Variants in THSD7B observed in about 807,000 individuals in gnomAD.
THSD7B encodes thrombospondin type 1 domain containing 7B.
THSD7B carries 138 observed loss-of-function variants against 213.6 expected under a neutral mutation model. The observed-to-expected ratio is 0.65, with a 90% CI of 0.56 to 0.74. THSD7B has a LOEUF of 0.74. Ranked by LOEUF, THSD7B falls within the 30% of genes least tolerant of loss-of-function variation. The pLI is 0.00. For synonymous variants in THSD7B, 742 were observed against 687.0 expected, an observed-to-expected ratio of 1.08 and a Z score of -1.25; for missense variants, 1,931 against 1,991.5, an observed-to-expected ratio of 0.97 and a Z score of 0.58.
At chr2:136,813,569 T>G (rs1682420163) in intron 1 of THSD7B, among the ~76,000 whole-genome samples, 1 of 152,238 alleles carries the variant, frequency 6.6e-6, no homozygotes, top group African/African-American at 2.4e-5. Flanking sequence ...CTCATACAAC[T>G]TTGAACTTCA....
At chr2:136,980,845 G>A (rs573282351) in intron 2 of THSD7B, among the ~76,000 whole-genome samples, 14 of 152,172 alleles carry the variant, frequency 9.2e-5, no homozygotes, top group Non-Finnish European at 1.3e-4. Flanking sequence ...ATCACTCACC[G>A]CCTCTCTTGG....
At chr2:137,454,243 C>G (rs1226432093) in intron 15 of THSD7B, among the ~76,000 whole-genome samples, 1 of 152,176 alleles carries the variant, frequency 6.6e-6, no homozygotes. Flanking sequence ...TAAGGAATCA[C>G]TTTTCTCCAC....
intron 7 of THSD7B, among the ~76,000 whole-genome samples, chr2:137,210,386 G>T (rs1017537514): frequency 5.9e-5 from 9 of 151,908 alleles, no homozygotes; most frequent in Admixed American, 5.3e-4. Flanking sequence ...ATGTATAATT[G>T]GTTCAGAGAT....
intron 6 of THSD7B, among the ~76,000 whole-genome samples, chr2:137,168,712 A>G (rs1187316209): frequency 6.6e-6 from 1 of 152,246 alleles, no homozygotes; most frequent in Non-Finnish European, 1.5e-5. Context: ...TAGTTGTCAA[A>G]CAGTGTAAAT....
intron 1 of THSD7B, among the ~76,000 whole-genome samples, chr2:136,868,776 A>T (rs554934719): frequency 1.8e-4 from 27 of 152,218 alleles, no homozygotes; most frequent in African/African-American, 6.3e-4. Context: ...CAACATTCAC[A>T]TATATGTGTG....
At chr2:137,550,388 T>C (rs79314206) in intron 15 of THSD7B, among the ~76,000 whole-genome samples, 3 of 152,094 alleles carry the variant, frequency 2.0e-5, no homozygotes, top group Non-Finnish European at 4.4e-5. Context: ...TTTGAAGTCA[T>C]AATTTATTTT....
intron 15 of THSD7B, among the ~76,000 whole-genome samples, chr2:137,456,418 A>G (rs899829679): frequency 6.6e-6 from 1 of 152,214 alleles, no homozygotes; most frequent in African/African-American, 2.4e-5. Context: ...TTCTATTACA[A>G]TATTTGTTTA....
chr2:137,349,902 C>T (rs1684969478), intron 12 of THSD7B, among the ~76,000 whole-genome samples: 1 of 151,784 alleles, frequency 6.6e-6, no homozygotes, highest in South Asian at 2.1e-4. Context: ...GATAAAGCAT[C>T]AGGTGTGACA....
chr2:137,650,097 C>A (rs975605200), intron 21 of THSD7B, among the ~76,000 whole-genome samples: 2 of 151,952 alleles, frequency 1.3e-5, no homozygotes, highest in African/African-American at 4.8e-5. Context: ...ATACATTTTA[C>A]GATGTTTTTC....
At chr2:137,633,019 A>G (rs1468369682) in intron 20 of THSD7B, among the ~76,000 whole-genome samples, 3 of 152,188 alleles carry the variant, frequency 2.0e-5, no homozygotes, top group Non-Finnish European at 4.4e-5. Context: ...TTACTGCTGC[A>G]TCAATACCAC....
intron 15 of THSD7B, among the ~76,000 whole-genome samples, chr2:137,540,255 C>G (rs10193949): frequency 0.042 from 6,344 of 151,654 alleles, 244 homozygotes; most frequent in African/African-American, 0.1. Flanking sequence ...AAGATCTCCC[C>G]AAATCTCTTC....
intron 2 of THSD7B, among the ~76,000 whole-genome samples, chr2:137,045,238 A>G (rs1686949259): frequency 6.6e-6 from 1 of 151,852 alleles, no homozygotes; most frequent in Admixed American, 6.6e-5. Context: ...TAAAGCTAAC[A>G]CTTTATGACT....
chr2:136,816,204 A>G (rs558211345), intron 1 of THSD7B, among the ~76,000 whole-genome samples: 2 of 152,274 alleles, frequency 1.3e-5, no homozygotes, highest in East Asian at 3.9e-4. Context: ...TTGGTTTGGT[A>G]TTATTGGAAC....
At chr2:137,576,291 C>G (rs952190190) in intron 17 of THSD7B, among the ~76,000 whole-genome samples, 2 of 152,176 alleles carry the variant, frequency 1.3e-5, no homozygotes, top group South Asian at 4.1e-4. Context: ...TTTGCAGAAG[C>G]AAGACTTTGC....
intron 1 of THSD7B, among the ~76,000 whole-genome samples, chr2:136,841,791 T>C (rs1410704917): frequency 6.6e-6 from 1 of 152,110 alleles, no homozygotes; most frequent in Non-Finnish European, 1.5e-5. Flanking sequence ...ATCTTCTAGA[T>C]GGTTGCTTAC....
rs1399888268 is a variant in THSD7B, at chr2:136,932,692, G to A, written c.139+50375G>A. Among the ~76,000 whole-genome samples the A allele has an allele frequency of 2.6e-5, 4 of 152,260 alleles. No homozygotes were observed. In the East Asian group the frequency reaches 7.7e-4, roughly 29 times the overall value. On this transcript the variant is annotated intron_variant, in intron 2 of 27. Transcript: ENST00000409968. Reference sequence around the variant, plus strand: ...AGGTCTTCATCCTCATCCTCTTCATGTTAAGTAGGCTGAGGAGGAGGAAGA... The same window carrying A: ...AGGTCTTCATCCTCATCCTCTTCATATTAAGTAGGCTGAGGAGGAGGAAGA...
chr2:137,636,728 G>C (rs1377088080), intron 20 of THSD7B, among the ~76,000 whole-genome samples: 1 of 152,308 alleles, frequency 6.6e-6, no homozygotes, highest in East Asian at 1.9e-4. Context: ...GCTCAGAAGA[G>C]TTAAAGTACT....
intron 12 of THSD7B, among the ~76,000 whole-genome samples, chr2:137,286,190 C>T (rs1017041488): frequency 6.6e-6 from 1 of 151,728 alleles, no homozygotes; most frequent in African/African-American, 2.4e-5. Flanking sequence ...AAGTTGATTG[C>T]CTGAGTTGGA....
At chr2:137,153,091 G>C in intron 5 of THSD7B, among the ~76,000 whole-genome samples, 1 of 152,132 alleles carries the variant, frequency 6.6e-6, no homozygotes, top group East Asian at 1.9e-4. Flanking sequence ...ACAGAGGAGA[G>C]AACATATGAT....
Sources: gnomAD v4.1 joint callset for allele counts (sites outside exome capture counted in the v4.1 genomes callset) on GRCh38, gnomAD v4.1.1 for gene constraint, MANE v1.5 for transcripts, NCBI Gene and HGNC (gene_info 2026-07-23, HGNC 2026-07-21) for gene names.